The following SDK1 variants were observed in gnomAD, a reference collection of about 807,000 sequenced individuals.
The protein encoded by SDK1 is protein sidekick-1.
In SDK1, 157 loss-of-function variants were observed where a neutral mutation model predicts 245.5. The ratio of observed to expected loss-of-function variants is 0.64; its 90% CI spans 0.56 to 0.73. The LOEUF is 0.73. SDK1 is among the 30% of genes least tolerant of loss of function. The pLI, the probability that SDK1 is intolerant of heterozygous loss-of-function variation, is 0.00. For synonymous variants in SDK1, 1,647 were observed against 1,278.5 expected (o/e 1.29, Z -6.15); for missense variants, 3,583 against 3,002.3 (o/e 1.19, Z -4.52).
intron 1 of SDK1, among the ~76,000 whole-genome samples, chr7:3,577,204 C>T (rs1780322749): frequency 6.6e-6 from 1 of 152,036 alleles, no homozygotes; most frequent in South Asian, 2.1e-4. Flanking sequence ...CCATAGCCCA[C>T]CTTTTTATTC....
At chr7:4,010,498 A>G (rs937871303) in intron 14 of SDK1, among the ~76,000 whole-genome samples, 7 of 152,334 alleles carry the variant, frequency 4.6e-5, no homozygotes, top group Middle Eastern at 3.4e-3. Flanking sequence ...TGGGCTGCGA[A>G]ATACACAGCC....
At chr7:3,795,223 A>G (rs1390517951) in intron 4 of SDK1, among the ~76,000 whole-genome samples, 2 of 152,222 alleles carry the variant, frequency 1.3e-5, no homozygotes, top group Non-Finnish European at 1.5e-5. Flanking sequence ...TCTGTTTTAC[A>G]TGATACTTAG....
intron 35 of SDK1, among the ~76,000 whole-genome samples, chr7:4,205,610 A>G (rs1456290361): frequency 6.6e-6 from 1 of 152,190 alleles, no homozygotes; most frequent in Non-Finnish European, 1.5e-5. Context: ...TATATATTTT[A>G]TTGTATGCAT....
At chr7:3,960,138 G>T (rs1053937582) in intron 8 of SDK1, among the ~76,000 whole-genome samples, 2 of 152,222 alleles carry the variant, frequency 1.3e-5, no homozygotes, top group African/African-American at 4.8e-5. Flanking sequence ...TCCTAAAAGA[G>T]AGATGATTTT....
chr7:4,127,276 A>G lies in SDK1; in HGVS notation c.3824-105A>G, dbSNP rs972112156. The G allele has an allele frequency of 8.4e-5, 68 of 810,692 alleles. 1 individual carries two copies. In the Admixed American group the frequency reaches 9.2e-4, roughly 11 times the overall value. The allele number at this position is 810,692 out of a possible 1,614,324, so 50.2% of individuals were successfully genotyped here. A position where few individuals can be genotyped will look rare whatever the true frequency, so the allele number is the denominator to read the frequency against. ...CTGATCACTACAAAATGCTTAGAAT[A>G]CGTTGCTATTTCAAGGACAACTTGA... On this transcript the variant is annotated intron_variant, in intron 25 of 44. Coordinates refer to ENST00000404826, the MANE Select transcript of SDK1 (RefSeq NM_152744.4).
chr7:4,260,612 C>T (rs1234778897), intron 44 of SDK1, among the ~76,000 whole-genome samples: 2 of 144,006 alleles, frequency 1.4e-5, no homozygotes, highest in East Asian at 4.2e-4. Context: ...ATGTGTTCAT[C>T]GTCACCTGAT....
intron 1 of SDK1, among the ~76,000 whole-genome samples, chr7:3,441,019 C>T (rs980761871): frequency 6.6e-6 from 1 of 152,094 alleles, no homozygotes. Flanking sequence ...CAGTAGTAGC[C>T]TAATGCTGCG....
At chr7:4,044,983 C>A (rs982792702) in intron 17 of SDK1, among the ~76,000 whole-genome samples, 1 of 152,156 alleles carries the variant, frequency 6.6e-6, no homozygotes, top group Non-Finnish European at 1.5e-5. Context: ...CTTCTTATAT[C>A]TTTGCCTATT....
chr7:3,585,387 C>T (rs1780651117), intron 1 of SDK1, among the ~76,000 whole-genome samples: 1 of 152,108 alleles, frequency 6.6e-6, no homozygotes, highest in African/African-American at 2.4e-5. Context: ...GAGTAGGTCT[C>T]ATAGAGATAA....
intron 42 of SDK1, among the ~76,000 whole-genome samples, 167 bp from the exon 43 acceptor site, chr7:4,241,626 C>G (rs889017679): frequency 1.3e-5 from 2 of 152,118 alleles, no homozygotes; most frequent in African/African-American, 4.8e-5. Context: ...CAGTACCTAG[C>G]TCTTCTCCCC....
intron 20 of SDK1, among the ~76,000 whole-genome samples, chr7:4,071,482 C>CT (rs1419264622): frequency 6.6e-6 from 1 of 152,210 alleles, no homozygotes; most frequent in Non-Finnish European, 1.5e-5. Context: ...CTGAAGTCAT[C>CT]TGAGAATCGC....
At chr7:3,398,714 C>G (rs1212425255) in intron 1 of SDK1, among the ~76,000 whole-genome samples, 2 of 148,972 alleles carry the variant, frequency 1.3e-5, no homozygotes, top group African/African-American at 4.9e-5. Context: ...AGTGGGACTT[C>G]TGGGGGTAAA....
intron 5 of SDK1, among the ~76,000 whole-genome samples, chr7:3,935,453 G>C (rs1392564435): frequency 6.6e-6 from 1 of 152,198 alleles, no homozygotes; most frequent in Non-Finnish European, 1.5e-5. Context: ...CCTGTGGAAT[G>C]GGAGGAAGTA....
At chr7:3,483,454 C>G (rs1470988308) in intron 1 of SDK1, among the ~76,000 whole-genome samples, 3 of 152,084 alleles carry the variant, frequency 2.0e-5, no homozygotes, top group East Asian at 3.9e-4. Flanking sequence ...AAATCCCTTA[C>G]TTTTTCTGAT....
chr7:3,506,396 TCTATTTATCA>T, intron 1 of SDK1, among the ~76,000 whole-genome samples: 1 of 152,338 alleles, frequency 6.6e-6, no homozygotes, highest in East Asian at 1.9e-4. Context: ...TTTGTTTGCT[TCTATTTATCA>T]CTAGTTATCA....
intron 1 of SDK1, among the ~76,000 whole-genome samples, chr7:3,313,093 A>T (rs1045105821): frequency 2.0e-5 from 3 of 152,210 alleles, no homozygotes; most frequent in Non-Finnish European, 2.9e-5. Context: ...CCATGTCCAT[A>T]TAAAGTATTA....
At chr7:3,487,837 G>GC in intron 1 of SDK1, among the ~76,000 whole-genome samples, 1 of 151,342 alleles carries the variant, frequency 6.6e-6, no homozygotes, top group African/African-American at 2.4e-5. Flanking sequence ...TCATACCTTA[G>GC]CATTTATTTA....
At chr7:3,754,974 A>G (rs1779878484) in intron 4 of SDK1, among the ~76,000 whole-genome samples, 1 of 152,174 alleles carries the variant, frequency 6.6e-6, no homozygotes, top group Non-Finnish European at 1.5e-5. Flanking sequence ...GTTTTATCTA[A>G]TTTCTGGAAA....
chr7:3,394,759 T>A (rs1781849441), intron 1 of SDK1, among the ~76,000 whole-genome samples: 1 of 152,278 alleles, frequency 6.6e-6, no homozygotes, highest in Non-Finnish European at 1.5e-5. Flanking sequence ...TGTACTTTTT[T>A]AATGCTATTG....
Sources: gnomAD v4.1 joint callset for allele counts (sites outside exome capture counted in the v4.1 genomes callset) on GRCh38, gnomAD v4.1.1 for gene constraint, MANE v1.5 for transcripts, NCBI Gene and HGNC (gene_info 2026-07-23, HGNC 2026-07-21) for gene names.